Variants in EPHB1 observed in about 807,000 individuals in gnomAD.
The protein encoded by EPHB1 is ephrin type-B receptor 1.
In EPHB1, 30 loss-of-function variants were observed where a neutral mutation model predicts 94.4. The observed-to-expected ratio is 0.32, with a 90% CI of 0.24 to 0.43. EPHB1 has a LOEUF of 0.43. EPHB1 is among the 20% of genes least tolerant of loss of function. The pLI is 1.00. For synonymous variants in EPHB1, 522 were observed against 489.1 expected (o/e 1.07, Z -0.89); for missense variants, 1,055 against 1,308.3 (o/e 0.81, Z 2.99).
At chr3:135,241,971 G>A (rs986898679) in intron 13 of EPHB1, among the ~76,000 whole-genome samples, 5 of 152,212 alleles carry the variant, frequency 3.3e-5, no homozygotes, top group Admixed American at 1.3e-4. Flanking sequence ...AGGGAAAAGG[G>A]TGAGAAAGGA....
At chr3:135,098,905 C>T (rs887169074) in intron 3 of EPHB1, among the ~76,000 whole-genome samples, 17 of 149,256 alleles carry the variant, frequency 1.1e-4, no homozygotes, top group Admixed American at 1.0e-3. Flanking sequence ...CCCTGCTACT[C>T]GGGAGGCTGA....
At chr3:134,996,944 C>T (rs1935015109) in intron 3 of EPHB1, among the ~76,000 whole-genome samples, 1 of 152,006 alleles carries the variant, frequency 6.6e-6, no homozygotes, top group Admixed American at 6.6e-5. Flanking sequence ...GTAGTTTGAT[C>T]TATCAGTCTT....
At chr3:135,121,060 G>A (rs1383336733) in intron 4 of EPHB1, among the ~76,000 whole-genome samples, 1 of 152,188 alleles carries the variant, frequency 6.6e-6, no homozygotes. Context: ...TCTTGTAAAA[G>A]AAACACCTTA....
At chr3:135,226,511 C>T (rs940147626) in intron 12 of EPHB1, among the ~76,000 whole-genome samples, 1 of 152,190 alleles carries the variant, frequency 6.6e-6, no homozygotes. Context: ...TATGGCTGCC[C>T]CCAGGCAGCT....
chr3:134,982,753 A>C (rs1355701924), intron 3 of EPHB1, among the ~76,000 whole-genome samples: 1 of 152,216 alleles, frequency 6.6e-6, no homozygotes, highest in Non-Finnish European at 1.5e-5. Context: ...GAAGGCATTA[A>C]ACAGAGCTTT....
intron 3 of EPHB1, among the ~76,000 whole-genome samples, chr3:135,030,296 C>T (rs986168448): frequency 5.3e-5 from 8 of 152,182 alleles, no homozygotes; most frequent in South Asian, 2.1e-4. Flanking sequence ...GGAGGAGAGG[C>T]GCTCTGCTTT....
At chr3:135,124,158 C>A (rs757217597) in intron 4 of EPHB1, among the ~76,000 whole-genome samples, 2 of 151,728 alleles carry the variant, frequency 1.3e-5, no homozygotes, top group Non-Finnish European at 1.5e-5. Context: ...CAAGTACATT[C>A]CCACCTCAGG....
At chr3:134,895,002 G>C (rs975821727) in intron 1 of EPHB1, among the ~76,000 whole-genome samples, 3 of 152,208 alleles carry the variant, frequency 2.0e-5, no homozygotes, top group Non-Finnish European at 2.9e-5. Flanking sequence ...GCTGCCTCCA[G>C]CCTTGGGCTT....
At chr3:135,112,495 T>C (rs1278738530) in intron 4 of EPHB1, among the ~76,000 whole-genome samples, 27 of 151,532 alleles carry the variant, frequency 1.8e-4, no homozygotes, top group African/African-American at 2.9e-4. Context: ...CCCATTAACT[T>C]GTCATTTAGC....
intron 3 of EPHB1, among the ~76,000 whole-genome samples, chr3:134,997,591 C>A (rs113964906): frequency 9.9e-5 from 15 of 152,262 alleles, no homozygotes; most frequent in African/African-American, 3.4e-4. Context: ...TGTTCTGAAG[C>A]TTCAGTACTA....
At chr3:135,185,217 G>C (rs1056114350) in intron 10 of EPHB1, among the ~76,000 whole-genome samples, 1 of 152,232 alleles carries the variant, frequency 6.6e-6, no homozygotes. Flanking sequence ...GGGAATGTGT[G>C]ATATGTGTGG....
chr3:134,828,809 AC>A (rs1278910358), intron 1 of EPHB1, among the ~76,000 whole-genome samples: 1 of 152,174 alleles, frequency 6.6e-6, no homozygotes, highest in Non-Finnish European at 1.5e-5. Flanking sequence ...GGGCATAGAC[AC>A]CTGGATTGGT....
chr3:134,801,075 T>C (rs1176618864), intron 1 of EPHB1, among the ~76,000 whole-genome samples: 1 of 152,184 alleles, frequency 6.6e-6, no homozygotes, highest in Non-Finnish European at 1.5e-5. Context: ...GACTCTGCCA[T>C]TGGGCATTGG....
intron 3 of EPHB1, among the ~76,000 whole-genome samples, chr3:135,035,481 A>C (rs9815942): frequency 0.32 from 48,811 of 152,156 alleles, 9,185 homozygotes; most frequent in Non-Finnish European, 0.41. Flanking sequence ...AATTGGGAAA[A>C]GTGAATTACC....
At chr3:134,964,017 C>G (rs910923916) in intron 3 of EPHB1, among the ~76,000 whole-genome samples, 2 of 152,092 alleles carry the variant, frequency 1.3e-5, no homozygotes, top group African/African-American at 4.8e-5. Flanking sequence ...CCTCTACTCC[C>G]TAAGCTCCTC....
chr3:135,227,410 G>A (rs1041606806), intron 12 of EPHB1, among the ~76,000 whole-genome samples: 36 of 152,166 alleles, frequency 2.4e-4, no homozygotes, highest in Non-Finnish European at 2.9e-4. Flanking sequence ...TTTACTGTGT[G>A]TGTGTGTATG....
chr3:135,169,731 C>G (rs1941750492), intron 9 of EPHB1, among the ~76,000 whole-genome samples: 2 of 152,300 alleles, frequency 1.3e-5, no homozygotes, highest in Middle Eastern at 3.4e-3. Context: ...TCTGGCAGCT[C>G]TCTTAAACTC....
intron 11 of EPHB1, among the ~76,000 whole-genome samples, chr3:135,194,177 C>T (rs1020270649): frequency 7.2e-5 from 11 of 152,170 alleles, no homozygotes; most frequent in Admixed American, 6.5e-4. Context: ...ACAGGCCCCA[C>T]ATTTTGATGA....
intron 3 of EPHB1, among the ~76,000 whole-genome samples, chr3:134,974,122 C>G (rs1022455220): frequency 1.3e-5 from 2 of 152,162 alleles, no homozygotes; most frequent in African/African-American, 4.8e-5. Context: ...TCACAGTGGT[C>G]TCTGACCACA....
Sources: allele counts gnomAD v4.1 joint callset (sites outside exome capture counted in the v4.1 genomes callset), GRCh38; gene constraint gnomAD v4.1.1; transcripts MANE v1.5; gene names NCBI Gene and HGNC (gene_info 2026-07-23, HGNC 2026-07-21).